Variants in AHCYL2 observed in about 807,000 individuals in gnomAD.
AHCYL2 encodes the protein S-adenosylhomocysteine hydrolase-like protein 2.
Under a neutral mutation model 81.4 loss-of-function variants are expected in AHCYL2, and 28 were observed. The observed-to-expected ratio is 0.34, with a 90% CI of 0.25 to 0.47. The LOEUF (loss-of-function observed/expected upper bound fraction) is 0.47, where lower values mean the gene tolerates loss of function less well. Among genes scored for constraint, AHCYL2 ranks in the 20% least tolerant of loss-of-function variants. The pLI, the probability that AHCYL2 is intolerant of heterozygous loss-of-function variation, is 1.00. For missense variants in AHCYL2, 551 were observed against 785.1 expected (o/e 0.70, Z 3.56); for synonymous variants, 272 against 290.2 (o/e 0.94, Z 0.64).
At position 129,279,838 on chromosome 7, in the gene AHCYL2, G is replaced by A. The variant is rs549081270; in HGVS notation, c.363+54399G>A. ...GTAAACTGTCACGGCACTGGTGGGAGTGTCTTTTAGCATACTAATGCATTA... is the reference window on the plus strand; with the variant it reads ...GTAAACTGTCACGGCACTGGTGGGAATGTCTTTTAGCATACTAATGCATTA... On this transcript the variant is annotated intron_variant, in intron 1 of 16. Transcript: ENST00000325006. 1.9e-3 allele frequency among the ~76,000 whole-genome samples: 292 copies of A among 152,296 alleles called. 1 individual carries two copies. The highest frequency in any genetic ancestry group is 3.2e-3 in the Non-Finnish European group (220 of 68,030).
intron 1 of AHCYL2, among the ~76,000 whole-genome samples, chr7:129,237,666 T>G (rs1293094166): frequency 6.6e-6 from 1 of 152,174 alleles, no homozygotes; most frequent in Non-Finnish European, 1.5e-5. Flanking sequence ...GAAACTCATC[T>G]TCTGCATTAT....
At chr7:129,258,987 A>G (rs961118615) in intron 1 of AHCYL2, among the ~76,000 whole-genome samples, 1 of 152,218 alleles carries the variant, frequency 6.6e-6, no homozygotes, top group Non-Finnish European at 1.5e-5. Context: ...CTCCTTGGAC[A>G]CCATCAAGTC....
intron 1 of AHCYL2, among the ~76,000 whole-genome samples, chr7:129,299,055 AAATTTG>A (rs1178021506): frequency 6.6e-6 from 1 of 152,168 alleles, no homozygotes; most frequent in Admixed American, 6.5e-5. Flanking sequence ...TGGAAACCAA[AAATTTG>A]AATTTGATAC....
chr7:129,412,041 T>C (rs886621535), intron 11 of AHCYL2, among the ~76,000 whole-genome samples: 1 of 152,034 alleles, frequency 6.6e-6, no homozygotes, highest in Non-Finnish European at 1.5e-5. Context: ...CTGGATCATA[T>C]AGTAACTTTG....
intron 12 of AHCYL2, 92 bp from the exon 13 acceptor site, chr7:129,422,748 A>G (rs908386396): frequency 3.6e-6 from 4 of 1,124,440 alleles, no homozygotes; most frequent in African/African-American, 1.5e-5. Flanking sequence ...GCTCCTTTCA[A>G]CCTGCTATTT....
At chr7:129,367,474 T>C (rs1794165016) in intron 1 of AHCYL2, among the ~76,000 whole-genome samples, 1 of 151,834 alleles carries the variant, frequency 6.6e-6, no homozygotes, top group Admixed American at 6.6e-5. Flanking sequence ...AAGGAGGGAG[T>C]TGGTATGGAG....
intron 1 of AHCYL2, among the ~76,000 whole-genome samples, chr7:129,340,860 A>G (rs1048119556): frequency 6.6e-6 from 1 of 152,154 alleles, no homozygotes; most frequent in African/African-American, 2.4e-5. Flanking sequence ...ACTTTGGATA[A>G]GCTTATATGA....
At position 129,419,604 on chromosome 7, in the gene AHCYL2, A is replaced by G. The variant is rs547720700; in HGVS notation, c.1462-3236A>G. The stretch of plus-strand genomic sequence containing the variant: ...TGTGTATCACATAGAAGGCCTGTGT[A>G]ATTGTAAGCTTCACAATTCAGGTGG... On this transcript the variant is annotated intron_variant, in intron 12 of 16. Coordinates refer to ENST00000325006, the MANE Select transcript of AHCYL2 (RefSeq NM_015328.4). This position sits in a 1 kb window ranked among gnomAD's most constrained non-coding sequence, Gnocchi z 4.7. 6.6e-6 allele frequency among the ~76,000 whole-genome samples: 1 copy of G among 152,310 alleles called. No individual in the cohort carries two copies. Among genetic ancestry groups the G allele is most frequent in the South Asian group, 2.1e-4 (1 of 4,824 alleles).
At chr7:129,325,042 ATTTAT>A (rs1798170534) in intron 1 of AHCYL2, among the ~76,000 whole-genome samples, 1 of 151,972 alleles carries the variant, frequency 6.6e-6, no homozygotes, top group Admixed American at 6.6e-5. Flanking sequence ...GTACCTTTTT[ATTTAT>A]TTTTTTATAA....
intron 1 of AHCYL2, among the ~76,000 whole-genome samples, chr7:129,339,494 T>A (rs1236227238): frequency 1.3e-5 from 2 of 152,180 alleles, no homozygotes; most frequent in Admixed American, 1.3e-4. Context: ...CCATCTATGT[T>A]TCCATGCCTT....
In AHCYL2 at chr7:129,317,448, G is replaced by A. The variant is rs370120700; in HGVS notation, c.364-62190G>A. On this transcript the variant is annotated intron_variant, in intron 1 of 16. Coordinates refer to ENST00000325006, the MANE Select transcript of AHCYL2 (RefSeq NM_015328.4). ...TAGGCAGGGAGAGCTTTTTGAATAT[G>A]GTGCAAGTCTAATACCTGTGAAGGA... 6.6e-5 allele frequency among the ~76,000 whole-genome samples: 10 copies of A among 152,290 alleles called. No homozygotes were observed. The East Asian group carries it at 9.6e-4, about 15-fold the overall frequency.
intron 1 of AHCYL2, among the ~76,000 whole-genome samples, chr7:129,268,988 C>T (rs910497423): frequency 3.3e-5 from 5 of 152,114 alleles, no homozygotes; most frequent in East Asian, 1.9e-4. Flanking sequence ...TAGGCAACCA[C>T]GAATCTATTT....
In AHCYL2 at chr7:129,426,418, C is replaced by G. The variant is rs1254853936; in HGVS notation, c.1709-25C>G. The G allele has an allele frequency of 1.2e-6, 2 of 1,613,930 alleles. No homozygotes were observed. On this transcript the variant is annotated intron_variant, in intron 15 of 16. Coordinates refer to ENST00000325006, the MANE Select transcript of AHCYL2 (RefSeq NM_015328.4). The surrounding 1 kb of genome is among the most constrained non-coding windows in gnomAD (Gnocchi z 4.3). ...CAGATAAAAGGCATGAATGCTTATA[C>G]CAGGGCTTCTGTGGTCTGTTCCAGA...
chr7:129,227,149 G>A (rs1262802258), intron 1 of AHCYL2, among the ~76,000 whole-genome samples: 3 of 152,152 alleles, frequency 2.0e-5, no homozygotes, highest in Non-Finnish European at 4.4e-5. Context: ...AATTATGATT[G>A]AGGATTAGAA....
At chr7:129,380,890 A>G (rs1162683876) in intron 2 of AHCYL2, among the ~76,000 whole-genome samples, 1 of 152,090 alleles carries the variant, frequency 6.6e-6, no homozygotes, top group Non-Finnish European at 1.5e-5. Context: ...ACAGGCACCC[A>G]CCACCATGCC....
chr7:129,376,071 CT>C, intron 1 of AHCYL2: 1 of 1,002,612 alleles, frequency 1.0e-6, no homozygotes, highest in Non-Finnish European at 1.4e-6. Context: ...TTAACAGTCT[CT>C]TTCCCTCCCT....
intron 1 of AHCYL2, chr7:129,377,608 C>G: frequency 2.2e-6 from 1 of 456,684 alleles, no homozygotes; most frequent in South Asian, 1.5e-5. Flanking sequence ...AAGGAACCAT[C>G]TTTTTATCAT....
intron 1 of AHCYL2, among the ~76,000 whole-genome samples, chr7:129,281,373 G>A: frequency 6.6e-6 from 1 of 151,758 alleles, no homozygotes; most frequent in Admixed American, 6.6e-5. Context: ...ATCATAAAAT[G>A]GGGTAGGAAA....
intron 1 of AHCYL2, among the ~76,000 whole-genome samples, chr7:129,339,077 T>G (rs568641830): frequency 1.3e-5 from 2 of 152,264 alleles, no homozygotes; most frequent in Non-Finnish European, 2.9e-5. Context: ...TGATTTGTTA[T>G]CTAATTCTCA....
Sources: gnomAD v4.1 joint callset for allele counts (sites outside exome capture counted in the v4.1 genomes callset) on GRCh38, gnomAD v4.1.1 for gene constraint, Gnocchi (gnomAD v3.1) non-coding constraint, MANE v1.5 for transcripts, NCBI Gene and HGNC (gene_info 2026-07-23, HGNC 2026-07-21) for gene names.